UNC79: variants seen among roughly 807,000 people sequenced by gnomAD.
The protein encoded by UNC79 is unc-79 subunit of NALCN channel complex, also known as protein unc-79 homolog.
In UNC79, 37 loss-of-function variants were observed where a neutral mutation model predicts 283.1. The observed-to-expected ratio is 0.13, with a 90% CI of 0.10 to 0.17. The LOEUF is 0.17. Among genes scored for constraint, UNC79 ranks in the 10% least tolerant of loss-of-function variants. The pLI, the probability that UNC79 is intolerant of heterozygous loss-of-function variation, is 1.00. For missense variants in UNC79, 2,272 were observed against 3,211.1 expected (o/e 0.71, Z 7.07); for synonymous variants, 1,107 against 1,200.2 (o/e 0.92, Z 1.61).
chr14:93,551,870 A>G (rs958236112), intron 14 of UNC79, among the ~76,000 whole-genome samples: 5 of 152,288 alleles, frequency 3.3e-5, no homozygotes, highest in Non-Finnish European at 7.4e-5. Flanking sequence ...CTGAAGCTAT[A>G]CTGAACAGCT....
At chr14:93,559,399 C>T (rs112904756) in intron 14 of UNC79, among the ~76,000 whole-genome samples, 3,317 of 152,312 alleles carry the variant, frequency 0.022, 63 homozygotes, top group Admixed American at 0.053. Flanking sequence ...TTTTCATGCA[C>T]GTCTGTGTGA....
At chr14:93,627,030 A>C (rs2067621863) in intron 30 of UNC79, among the ~76,000 whole-genome samples, 1 of 152,208 alleles carries the variant, frequency 6.6e-6, no homozygotes. Flanking sequence ...ACAGCACTCC[A>C]GCCTGGACAA....
intron 16 of UNC79, among the ~76,000 whole-genome samples, chr14:93,573,208 A>G (rs1162316194): frequency 2.0e-5 from 3 of 152,156 alleles, no homozygotes; most frequent in South Asian, 2.1e-4. Context: ...TCAGCCTGGA[A>G]TGACTTCCTT....
At chr14:93,641,887 C>T (rs1011083874) in intron 33 of UNC79, among the ~76,000 whole-genome samples, 2 of 152,112 alleles carry the variant, frequency 1.3e-5, no homozygotes, top group East Asian at 3.9e-4. Flanking sequence ...GTTCTCATGG[C>T]AGTGAATAAG....
chr14:93,365,384 CAA>C lies in UNC79; in HGVS notation c.-351+31880_-351+31881del, dbSNP rs34673069. On this transcript the variant is annotated intron_variant, in intron 1 of 49. Coordinates refer to the UNC79 transcript ENST00000256339. ...TGGGTGACACAGTGATACTCCATCT[CAA>C]AAAAAAAAAAAAAAAAAATGTGATC... Among the ~76,000 whole-genome samples, 563 of 108,258 alleles carry C rather than the reference CAA, an allele frequency of 5.2e-3. 5 individuals are homozygous for C. The highest frequency in any genetic ancestry group is 0.017 in the African/African-American group (500 of 29,842). The allele number at this position is 108,258 out of a possible 152,430, so 71.0% of individuals were successfully genotyped here. A position where few individuals can be genotyped will look rare whatever the true frequency, so the allele number is the denominator to read the frequency against.
At chr14:93,571,794 T>G in intron 14 of UNC79, 100 bp from the exon 15 acceptor site, 1 of 1,233,468 alleles carries the variant, frequency 8.1e-7, no homozygotes, top group South Asian at 1.6e-5. Flanking sequence ...CATGATGGAT[T>G]GTGGCCTTTC....
At chr14:93,599,384 G>GTGTGTGTGTGTGTT (rs1491009543) in intron 24 of UNC79, among the ~76,000 whole-genome samples, 10 of 140,700 alleles carry the variant, frequency 7.1e-5, no homozygotes, top group African/African-American at 2.6e-4. Context: ...GTGTGTGTGT[G>GTGTGTGTGTGTGTT]TATGTGTGCA....
intron 22 of UNC79, among the ~76,000 whole-genome samples, chr14:93,587,699 C>T (rs762123486): frequency 1.1e-4 from 17 of 151,976 alleles, no homozygotes; most frequent in Admixed American, 2.6e-4. Flanking sequence ...AATTTGTGTA[C>T]GTTTGAGAGT....
At chr14:93,448,496 A>G (rs542621546) in intron 1 of UNC79, among the ~76,000 whole-genome samples, 6 of 152,080 alleles carry the variant, frequency 3.9e-5, no homozygotes, top group South Asian at 2.1e-4. Flanking sequence ...TCCAGCATCT[A>G]TTTCCTTTCA....
At chr14:93,341,452 C>T (rs1025628135) in intron 1 of UNC79, among the ~76,000 whole-genome samples, 12 of 151,398 alleles carry the variant, frequency 7.9e-5, no homozygotes, top group African/African-American at 2.2e-4. Flanking sequence ...TGTGAAACTC[C>T]GTCTCAAAAA....
chr14:93,498,275 T>C (rs570611747), intron 7 of UNC79, among the ~76,000 whole-genome samples: 2 of 150,030 alleles, frequency 1.3e-5, no homozygotes, highest in South Asian at 2.1e-4. Context: ...TCAATAATAA[T>C]AATAATAATA....
chr14:93,371,476 A>G (rs1409213027), intron 1 of UNC79, among the ~76,000 whole-genome samples: 2 of 152,196 alleles, frequency 1.3e-5, no homozygotes, highest in Non-Finnish European at 2.9e-5. Flanking sequence ...ACTGTTTTCA[A>G]TGAAAACGCA....
At chr14:93,673,275 G>T in intron 40 of UNC79, 76 bp from the exon 44 acceptor site, 1 of 1,286,584 alleles carries the variant, frequency 7.8e-7, no homozygotes, top group Non-Finnish European at 1.1e-6. Flanking sequence ...TGAATTTTTT[G>T]GAAGCTCTTT....
intron 14 of UNC79, among the ~76,000 whole-genome samples, chr14:93,558,554 T>A (rs1463063401): frequency 6.3e-5 from 8 of 126,432 alleles, no homozygotes; most frequent in Admixed American, 2.5e-4. Context: ...AGACTCCATT[T>A]AAAAAAAAAA....
intron 1 of UNC79, among the ~76,000 whole-genome samples, chr14:93,414,981 C>A (rs1161213977): frequency 4.6e-5 from 7 of 152,204 alleles, no homozygotes; most frequent in Non-Finnish European, 8.8e-5. Context: ...GACAATTTGA[C>A]TTCCTCTTTT....
intron 14 of UNC79, among the ~76,000 whole-genome samples, chr14:93,549,651 A>G (rs1567094181): frequency 6.6e-6 from 1 of 152,364 alleles, no homozygotes; most frequent in South Asian, 2.1e-4. Flanking sequence ...ACCAGAATAG[A>G]TTCAGAAAGG....
chr14:93,498,266 CAATAAT>C (rs553061035), intron 7 of UNC79, among the ~76,000 whole-genome samples: 1 of 150,448 alleles, frequency 6.6e-6, no homozygotes, highest in Admixed American at 6.6e-5. Flanking sequence ...GACTCTGTCT[CAATAAT>C]AATAATAATA....
chr14:93,503,957 G>T (rs569006337), intron 7 of UNC79, among the ~76,000 whole-genome samples: 19 of 151,916 alleles, frequency 1.3e-4, no homozygotes, highest in African/African-American at 4.6e-4. Context: ...ATGGTATGAG[G>T]TAACGGCCAA....
At chr14:93,555,173 T>C (rs866121156) in intron 14 of UNC79, among the ~76,000 whole-genome samples, 2 of 152,264 alleles carry the variant, frequency 1.3e-5, no homozygotes, top group African/African-American at 4.8e-5. Flanking sequence ...TAAAACTGTC[T>C]TTATTTACCA....
Sources: allele counts gnomAD v4.1 joint callset (sites outside exome capture counted in the v4.1 genomes callset), GRCh38; gene constraint gnomAD v4.1.1; transcripts MANE v1.5; gene names NCBI Gene and HGNC (gene_info 2026-07-23, HGNC 2026-07-21).